Variants in KCNMA1 observed in about 807,000 individuals in gnomAD.
KCNMA1 encodes the protein Calcium-activated potassium channel subunit alpha-1.
KCNMA1 carries 29 observed loss-of-function variants against 140.0 expected under a neutral mutation model. That is an observed-to-expected ratio of 0.21 (90% CI 0.15 to 0.28). The LOEUF is 0.28. Ranked by LOEUF, KCNMA1 falls within the 10% of genes least tolerant of loss-of-function variation. KCNMA1 has a pLI of 1.00. For synonymous variants in KCNMA1, 612 were observed against 611.9 expected (o/e 1.00, Z 0.00); for missense variants, 880 against 1,602.2 (o/e 0.55, Z 7.70).
At chr10:77,418,763 A>G (rs952029281) in intron 1 of KCNMA1, among the ~76,000 whole-genome samples, 5 of 152,184 alleles carry the variant, frequency 3.3e-5, no homozygotes, top group African/African-American at 9.7e-5. Flanking sequence ...AAATTGGTGA[A>G]TCTACTTGCA....
At chr10:76,877,635 T>C, downstream of KCNMA1, 1 of 1,084,992 alleles carries the variant, frequency 9.2e-7, no homozygotes, top group Non-Finnish European at 1.3e-6. Context: ...AATTCTTGCT[T>C]ATCCTAACGT....
intron 1 of KCNMA1, among the ~76,000 whole-genome samples, chr10:77,519,541 C>T (rs1375009433): frequency 6.6e-6 from 1 of 152,072 alleles, no homozygotes; most frequent in Non-Finnish European, 1.5e-5. Flanking sequence ...GTTCTCTTTC[C>T]ATTAGCCTGG....
chr10:77,214,979 T>C (rs779227577), intron 3 of KCNMA1, among the ~76,000 whole-genome samples: 7 of 152,214 alleles, frequency 4.6e-5, no homozygotes, highest in Non-Finnish European at 1.0e-4. Flanking sequence ...AAATGTAATA[T>C]GATTCCTCTC....
rs74574011 is a variant in KCNMA1 at position 77,267,106 on chromosome 10, T to C, written c.541-15850A>G. ...TCCATGGAAGGAGGATGAGAAGGAG[T>C]GAAGAAGATGAAGACTAACATTGCT... is the stretch of plus-strand genomic sequence containing the variant. On this transcript the variant is annotated intron_variant, in intron 2 of 27. Coordinates refer to ENST00000286628, the MANE Select transcript of KCNMA1 (RefSeq NM_001161352.2). Among the ~76,000 whole-genome samples the C allele has an allele frequency of 1.0e-3, 154 of 151,610 alleles. 1 individual carries two copies. The East Asian group carries it at 0.029, about 28-fold the overall frequency.
At chr10:77,495,795 G>A (rs971712122) in intron 1 of KCNMA1, among the ~76,000 whole-genome samples, 2 of 152,176 alleles carry the variant, frequency 1.3e-5, no homozygotes, top group Admixed American at 6.5e-5. Context: ...GCCTCATGAT[G>A]AGCAGAGGAC....
rs767957728 is a variant in KCNMA1, at chr10:76,970,058, T to G, written c.2276A>C (p.Glu759Ala). 25 of 1,613,534 alleles carry G rather than the reference T, an allele frequency of 1.5e-5. No homozygotes were observed. The highest frequency in any genetic ancestry group is 2.5e-6 in the Non-Finnish European group (3 of 1,179,754). ...CSTSFRAFED[E>A]QPSTLSPKKK... ...TTTTGGTGATAGTGTTGACGGCTGC[T>G]CATCTTCAACTGGAAATACAGGCAG... Residue 759 changes from glutamate (E) to alanine (A), a missense_variant, in exon 20 of 28, where the codon GAG becomes GCG. Coordinates refer to ENST00000286628, the MANE Select transcript of KCNMA1 (RefSeq NM_001161352.2).
chr10:77,105,408 T>C (rs971226873), intron 9 of KCNMA1, among the ~76,000 whole-genome samples: 1 of 152,238 alleles, frequency 6.6e-6, no homozygotes, highest in Non-Finnish European at 1.5e-5. Flanking sequence ...TCTGCCTAAA[T>C]TTTGTACTTT....
rs1208637846 is a variant in KCNMA1, at chr10:77,112,403, G to C, written c.924C>G (p.Ile308Met). 1 of 1,614,020 alleles carries C rather than the reference G, an allele frequency of 6.2e-7. No individual in the cohort carries two copies. The highest frequency in any genetic ancestry group is 2.2e-5 in the East Asian group (1 of 44,882). Residue 308 changes from isoleucine to methionine, a missense_variant, in exon 7 of 28, where the codon ATC becomes ATG. By Grantham distance (10) the Ile-to-Met change is conservative. Around this residue, in one of 13 missense-constraint regions of KCNMA1, gnomAD observed 198 missense variants for 580.1 expected, o/e 0.34. Coordinates refer to ENST00000286628, the MANE Select transcript of KCNMA1 (RefSeq NM_001161352.2). Reference protein sequence around the residue: ...IKLVNLLSIFISTWLTAAGFI... With the variant: ...IKLVNLLSIFMSTWLTAAGFI... ...ACCCGGCTGCAGTCAGCCACGTGCT[G>C]ATAAATATGGAGAGCAGATTCACCA...
intron 19 of KCNMA1, among the ~76,000 whole-genome samples, chr10:76,991,466 T>C (rs1214901814): frequency 6.6e-6 from 1 of 152,206 alleles, no homozygotes; most frequent in Admixed American, 6.5e-5. Flanking sequence ...TCTTACTACA[T>C]TTTTCCCTCT....
chr10:77,248,080 C>T (rs1015978608), intron 3 of KCNMA1, among the ~76,000 whole-genome samples: 1 of 152,196 alleles, frequency 6.6e-6, no homozygotes, highest in Non-Finnish European at 1.5e-5. Flanking sequence ...TATCCATCAC[C>T]TCTGGATAGT....
intron 3 of KCNMA1, among the ~76,000 whole-genome samples, chr10:77,222,973 T>A (rs2050157468): frequency 6.6e-6 from 1 of 152,202 alleles, no homozygotes. Flanking sequence ...CTCACACATG[T>A]AATCTCAGCA....
intron 1 of KCNMA1, among the ~76,000 whole-genome samples, chr10:77,564,076 G>A (rs1218656138): frequency 6.6e-6 from 1 of 152,138 alleles, no homozygotes; most frequent in Admixed American, 6.5e-5. Flanking sequence ...TGTTCCTTGG[G>A]GCTAAAGTCC....
chr10:77,304,531 G>T (rs1221984844), intron 2 of KCNMA1: 1 of 152,216 alleles, frequency 6.6e-6, no homozygotes, highest in African/African-American at 2.4e-5. Context: ...CTTCTTGTTT[G>T]CTTGGTTCTG....
At chr10:77,595,099 AC>A (rs1299960502) in intron 1 of KCNMA1, among the ~76,000 whole-genome samples, 3 of 152,330 alleles carry the variant, frequency 2.0e-5, no homozygotes, top group Admixed American at 2.0e-4. Context: ...TAATCCCAGC[AC>A]TTTGGGAGGC....
chr10:76,883,076 T>C (rs2035307907), downstream of KCNMA1, among the ~76,000 whole-genome samples: 4 of 152,142 alleles, frequency 2.6e-5, no homozygotes, highest in South Asian at 8.3e-4. Context: ...AAAAGCTTTT[T>C]CTGGTCATCT....
chr10:77,094,465 G>A (rs973808272), intron 9 of KCNMA1, among the ~76,000 whole-genome samples: 6 of 152,186 alleles, frequency 3.9e-5, no homozygotes, highest in Middle Eastern at 3.4e-3. Context: ...GTCCTCCACT[G>A]GCCAAGGGAG....
chr10:77,227,842 TG>T (rs2052044041), intron 3 of KCNMA1, among the ~76,000 whole-genome samples: 1 of 152,178 alleles, frequency 6.6e-6, no homozygotes, highest in South Asian at 2.1e-4. Context: ...CTCTGTGCCT[TG>T]GTCTTCTCAT....
At chr10:77,287,105 C>T (rs919834941) in intron 2 of KCNMA1, among the ~76,000 whole-genome samples, 2 of 152,240 alleles carry the variant, frequency 1.3e-5, no homozygotes, top group African/African-American at 4.8e-5. Context: ...GCCTGCTCAG[C>T]AAATCCAAAC....
At chr10:77,052,946 A>G (rs2095423082) in intron 14 of KCNMA1, among the ~76,000 whole-genome samples, 1 of 152,252 alleles carries the variant, frequency 6.6e-6, no homozygotes, top group African/African-American at 2.4e-5. Flanking sequence ...CAAATACCTT[A>G]TTAAAGTATT....
Sources: allele counts gnomAD v4.1 joint callset (sites outside exome capture counted in the v4.1 genomes callset), GRCh38; gene constraint gnomAD v4.1.1; regional missense constraint gnomAD v4.1.1; transcripts MANE v1.5; gene names NCBI Gene and HGNC (gene_info 2026-07-23, HGNC 2026-07-21).